Variants in HSD17B4 observed in about 807,000 individuals in gnomAD.
HSD17B4 encodes peroxisomal multifunctional enzyme type 2.
HSD17B4 carries 70 observed loss-of-function variants against 101.0 expected under a neutral mutation model. The ratio of observed to expected loss-of-function variants is 0.69; its 90% CI spans 0.57 to 0.85. The LOEUF is 0.85. Ranked by LOEUF, HSD17B4 falls within the 40% of genes least tolerant of loss-of-function variation. The pLI is 0.00. For missense variants in HSD17B4, 984 were observed against 892.4 expected (o/e 1.10, Z -1.31); for synonymous variants, 347 against 297.1 (o/e 1.17, Z -1.73).
chr5:119,530,861 A>AAC lies in HSD17B4; in HGVS notation c.1855-404_1855-403insCA, dbSNP rs1554068846. 6.1e-5 allele frequency among the ~76,000 whole-genome samples: 8 copies of AAC among 130,894 alleles called. No homozygotes were observed. In the East Asian group the frequency reaches 1.6e-3, roughly 27 times the overall value. 85.9% of individuals were successfully genotyped at this position (130,894 alleles called of 152,430 possible). ...AGTCTGTCTCAAAAAAAAAAAAAAA[A>AAC]AACAAAAAACAAAAAAAACCCAAAA... On this transcript the variant is annotated intron_variant, in intron 21 of 23. Coordinates refer to ENST00000510025, the MANE Select transcript of HSD17B4 (RefSeq NM_000414.4).
intron 8 of HSD17B4, among the ~76,000 whole-genome samples, chr5:119,484,713 A>T (rs1262433894): frequency 6.6e-6 from 1 of 152,170 alleles, no homozygotes; most frequent in Admixed American, 6.6e-5. Flanking sequence ...CATTTGAACT[A>T]ACATTCATTT....
At chr5:119,502,402 G>C (rs1385897285) in intron 14 of HSD17B4, among the ~76,000 whole-genome samples, 3 of 151,980 alleles carry the variant, frequency 2.0e-5, no homozygotes, top group African/African-American at 7.2e-5. Flanking sequence ...ATCTGTTATG[G>C]TTCTTATGAT....
Position 119,499,461 on chromosome 5 carries a change from T to C in HSD17B4, c.1117T>C (p.Cys373Arg). ...TTATGAAGGAAGTTCTGATTTCTCCTGTTTGCCCACCTTCGGAGTTATCAT... is the reference window on the plus strand; with the variant it reads ...TTATGAAGGAAGTTCTGATTTCTCCCGTTTGCCCACCTTCGGAGTTATCAT... Reference protein sequence around the residue: ...FIYEGSSDFSCLPTFGVIIGQ... With the variant: ...FIYEGSSDFSRLPTFGVIIGQ... The change falls in exon 13 of 24, where the codon TGT becomes CGT. Residue 373 changes from cysteine to arginine, a missense_variant. Transcript: ENST00000510025. 6.2e-7 allele frequency: 1 copy of C among 1,613,900 alleles called. No homozygotes were observed. Among genetic ancestry groups the C allele is most frequent in the Non-Finnish European group, 8.5e-7 (1 of 1,179,792 alleles).
chr5:119,452,831 G>T lies in HSD17B4; in HGVS notation c.58+198G>T, dbSNP rs758086928. The T allele has an allele frequency of 1.4e-5, 22 of 1,535,916 alleles. No homozygotes were observed. In the South Asian group the frequency reaches 2.5e-4, roughly 17 times the overall value. On this transcript the variant is annotated intron_variant, in intron 1 of 23. Transcript: ENST00000510025. ...CTGGTCTCTCAAGCAGGTACAGCCC[G>T]CTTCTCCCCAGCACCCCGGTGTGGG...
At chr5:119,537,104 T>C (rs1196838415) in intron 23 of HSD17B4, among the ~76,000 whole-genome samples, 1 of 152,140 alleles carries the variant, frequency 6.6e-6, no homozygotes, top group Non-Finnish European at 1.5e-5. Context: ...TTTGTGATTA[T>C]GTAGCTAGAA....
At chr5:119,520,308 G>T (rs1326479647) in intron 17 of HSD17B4, among the ~76,000 whole-genome samples, 4 of 152,096 alleles carry the variant, frequency 2.6e-5, no homozygotes, top group African/African-American at 9.7e-5. Flanking sequence ...GGGTCTTAGT[G>T]CTAGCTGTTG....
chr5:119,536,050 A>G (rs1754506134), intron 22 of HSD17B4: 1 of 260,752 alleles, frequency 3.8e-6, no homozygotes, highest in African/African-American at 2.3e-5. Context: ...ATCAACAGTA[A>G]GATGCCTGTA....
intron 16 of HSD17B4, among the ~76,000 whole-genome samples, chr5:119,510,996 T>A (rs1450607678): frequency 6.6e-6 from 1 of 152,208 alleles, no homozygotes; most frequent in Admixed American, 6.5e-5. Context: ...TTGAGAATAC[T>A]GGGGCCCTGA....
chr5:119,509,732 C>T (rs373836281), intron 16 of HSD17B4, among the ~76,000 whole-genome samples: 1 of 152,164 alleles, frequency 6.6e-6, no homozygotes, highest in Non-Finnish European at 1.5e-5. Context: ...TCGATTTGCT[C>T]ATTTACCAAC....
chr5:119,501,667 A>C (rs1751176899), intron 13 of HSD17B4, among the ~76,000 whole-genome samples: 2 of 152,100 alleles, frequency 1.3e-5, no homozygotes, highest in African/African-American at 4.8e-5. Flanking sequence ...GCACTGGCGC[A>C]TTTGTTCATT....
intron 2 of HSD17B4, among the ~76,000 whole-genome samples, chr5:119,459,154 A>G (rs1027309163): frequency 6.6e-6 from 1 of 152,168 alleles, no homozygotes; most frequent in South Asian, 2.1e-4. Flanking sequence ...TTTAACCCCT[A>G]TGGGATCTTG....
At chr5:119,472,995 A>G (rs1311916796) in intron 2 of HSD17B4, among the ~76,000 whole-genome samples, 3 of 152,280 alleles carry the variant, frequency 2.0e-5, no homozygotes, top group South Asian at 2.1e-4. Context: ...CATTGCTTGT[A>G]TATACCCCAT....
intron 8 of HSD17B4, among the ~76,000 whole-genome samples, chr5:119,488,241 C>T (rs1312210029): frequency 2.6e-5 from 4 of 152,040 alleles, no homozygotes; most frequent in African/African-American, 9.7e-5. Flanking sequence ...ATGATGGGCT[C>T]AGGTTCCTAA....
intron 21 of HSD17B4, 95 bp downstream of exon 21, chr5:119,530,075 CAACCATGA>C: frequency 3.8e-6 from 3 of 785,084 alleles, no homozygotes; most frequent in Admixed American, 3.5e-5. Flanking sequence ...AGAAAATTAA[CAACCATGA>C]AACTATTCTT....
At chr5:119,467,521 G>C (rs575300233) in intron 2 of HSD17B4, among the ~76,000 whole-genome samples, 1 of 152,314 alleles carries the variant, frequency 6.6e-6, no homozygotes, top group South Asian at 2.1e-4. Context: ...TTGCTGAAAT[G>C]ATACCTTTAT....
chr5:119,540,991 T>G (rs915646398), intron 23 of HSD17B4, among the ~76,000 whole-genome samples: 3 of 152,226 alleles, frequency 2.0e-5, no homozygotes, highest in Non-Finnish European at 4.4e-5. Context: ...ATGCTCAGTG[T>G]ATGTAGGTAT....
intron 17 of HSD17B4, among the ~76,000 whole-genome samples, chr5:119,524,423 G>A (rs1458544872): frequency 6.6e-6 from 1 of 152,100 alleles, no homozygotes; most frequent in Non-Finnish European, 1.5e-5. Flanking sequence ...AAACAGCACA[G>A]CAATTAATGA....
intron 17 of HSD17B4, among the ~76,000 whole-genome samples, chr5:119,524,105 C>T (rs1753360846): frequency 6.6e-6 from 1 of 151,942 alleles, no homozygotes. Context: ...TGGGACCTTG[C>T]AAGTCACCAG....
intron 2 of HSD17B4, among the ~76,000 whole-genome samples, chr5:119,464,919 AT>A (rs1755664556): frequency 6.6e-6 from 1 of 151,860 alleles, no homozygotes; most frequent in Non-Finnish European, 1.5e-5. Flanking sequence ...TTTATAGTAT[AT>A]TTTGAAGTCA....
Sources: gnomAD v4.1 joint callset for allele counts (sites outside exome capture counted in the v4.1 genomes callset) on GRCh38, gnomAD v4.1.1 for gene constraint, MANE v1.5 for transcripts, NCBI Gene and HGNC (gene_info 2026-07-23, HGNC 2026-07-21) for gene names.